The following CD8B2 variants were observed in gnomAD, a reference collection of about 807,000 sequenced individuals.
The protein encoded by CD8B2 is CD8B family member 2.
Under a neutral mutation model 23.7 loss-of-function variants are expected in CD8B2, and 11 were observed. That is an observed-to-expected ratio of 0.46 (90% CI 0.29 to 0.77). The LOEUF is 0.77. Ranked by LOEUF, CD8B2 falls within the 30% of genes least tolerant of loss-of-function variation. The probability of loss-of-function intolerance (pLI) is 0.09; values close to 1 mark genes in which losing one functional copy is unlikely to be tolerated. For synonymous variants in CD8B2, 90 were observed against 109.3 expected (o/e 0.82, Z 1.10); for missense variants, 197 against 270.5 (o/e 0.73, Z 1.91).
At chr2:106,500,560 A>ATAAATAAATAAATAAATAATTAAT (rs370350218) in intron 3 of CD8B2, among the ~76,000 whole-genome samples, 12 of 118,992 alleles carry the variant, frequency 1.0e-4, no homozygotes, top group South Asian at 2.9e-4. Context: ...AAATAAATAA[A>ATAAATAAATAAATAAATAATTAAT]TAATTAAAAA....
At chr2:106,498,257 C>G (rs551735413) in intron 3 of CD8B2, among the ~76,000 whole-genome samples, 1 of 151,956 alleles carries the variant, frequency 6.6e-6, no homozygotes, top group Admixed American at 6.6e-5. Context: ...AAGTGATTCT[C>G]CTGCCTCAGC....
chr2:106,490,486 CTG>C (rs1419518250), intron 1 of CD8B2, among the ~76,000 whole-genome samples: 3 of 152,124 alleles, frequency 2.0e-5, no homozygotes, highest in African/African-American at 7.2e-5. Flanking sequence ...ATGATAGTGC[CTG>C]TGAGTAGCCA....
chr2:106,527,732 G>A (rs538501017), intron 5 of CD8B2, among the ~76,000 whole-genome samples: 2 of 152,270 alleles, frequency 1.3e-5, no homozygotes, highest in South Asian at 2.1e-4. Context: ...GCAGTGAGCC[G>A]ATATTGCAGC....
chr2:106,491,124 G>C lies in CD8B2; in HGVS notation c.294G>C (p.Arg98=). 1 of 1,613,718 alleles carries C rather than the reference G, an allele frequency of 6.2e-7. No individual in the cohort carries two copies. The highest frequency in any genetic ancestry group is 8.5e-7 in the Non-Finnish European group (1 of 1,179,644). The change falls in exon 2 of 6, where the codon CGG becomes CGC. Residue 98 remains arginine, a synonymous_variant. Coordinates refer to ENST00000643224, the MANE Select transcript of CD8B2 (RefSeq NM_001349727.2). Reference sequence around the variant, plus strand: ...TAGCTGTGTTTCGGGATGCAAGCCGGTTCATTCTCAATCTCACAAGCGTGA... The same window carrying C: ...TAGCTGTGTTTCGGGATGCAAGCCGCTTCATTCTCAATCTCACAAGCGTGA... The part of the protein sequence containing the change: ...EKIAVFRDAS[R]FILNLTSVKP...
intron 5 of CD8B2, among the ~76,000 whole-genome samples, chr2:106,531,625 A>G (rs938042689): frequency 6.6e-6 from 1 of 152,090 alleles, no homozygotes; most frequent in African/African-American, 2.4e-5. Flanking sequence ...TGGGAAATGT[A>G]TGGGATTCAC....
chr2:106,501,655 C>T (rs917521074), intron 3 of CD8B2, among the ~76,000 whole-genome samples: 1 of 152,184 alleles, frequency 6.6e-6, no homozygotes, highest in African/African-American at 2.4e-5. Flanking sequence ...GCACTCCAGC[C>T]TGGGCGACAG....
intron 5 of CD8B2, among the ~76,000 whole-genome samples, chr2:106,531,607 T>A (rs950721541): frequency 3.2e-4 from 48 of 151,992 alleles, no homozygotes; most frequent in African/African-American, 1.1e-3. Context: ...CCTGGTTAGG[T>A]CATGGGGTGG....
chr2:106,518,405 T>C lies in CD8B2; in HGVS notation c.620+14080T>C, dbSNP rs1384083025. ...AGAAGGAGCAATAGCTCAGCAATAT[T>C]AATCCTCATTTAGGAGTCCAGTTTT... On this transcript the variant is annotated intron_variant, in intron 5 of 5. Coordinates refer to the CD8B2 transcript ENST00000416057. Among the ~76,000 whole-genome samples the C allele has an allele frequency of 3.9e-5, 6 of 152,130 alleles. No individual in the cohort carries two copies. In the East Asian group the frequency reaches 1.2e-3, roughly 29 times the overall value.
At chr2:106,487,551 T>G in intron 1 of CD8B2, 82 bp downstream of exon 1, 1 of 856,114 alleles carries the variant, frequency 1.2e-6, no homozygotes, top group Non-Finnish European at 1.6e-6. Context: ...GTCCTGGCCC[T>G]GGTCCTGGCA....
chr2:106,519,025 A>G (rs1454277547), intron 5 of CD8B2, among the ~76,000 whole-genome samples: 1 of 149,584 alleles, frequency 6.7e-6, no homozygotes, highest in Non-Finnish European at 1.5e-5. Context: ...CATTCCATCA[A>G]TCCCTCCATC....
chr2:106,538,791 C>T (rs1255388940), intron 5 of CD8B2, among the ~76,000 whole-genome samples: 2 of 152,158 alleles, frequency 1.3e-5, no homozygotes, highest in Admixed American at 6.5e-5. Flanking sequence ...ATATTATGCT[C>T]TCCACCCACC....
chr2:106,505,277 A>C (rs1335340189), intron 5 of CD8B2, among the ~76,000 whole-genome samples: 6 of 152,114 alleles, frequency 3.9e-5, no homozygotes, highest in Non-Finnish European at 8.8e-5. Context: ...TGTTTGGGGG[A>C]GCAAAAGTAC....
At chr2:106,532,140 A>G (rs1404521830) in intron 5 of CD8B2, among the ~76,000 whole-genome samples, 1 of 152,142 alleles carries the variant, frequency 6.6e-6, no homozygotes, top group Non-Finnish European at 1.5e-5. Flanking sequence ...ACTTCCACAA[A>G]TATTTCCCGG....
chr2:106,541,085 G>A (rs1680165092), intron 5 of CD8B2, among the ~76,000 whole-genome samples: 1 of 152,162 alleles, frequency 6.6e-6, no homozygotes, highest in Non-Finnish European at 1.5e-5. Context: ...GTGGTGGGCA[G>A]GCTTGGTGGG....
intron 5 of CD8B2, among the ~76,000 whole-genome samples, chr2:106,504,738 C>A (rs1679473012): frequency 6.6e-6 from 1 of 152,308 alleles, no homozygotes; most frequent in Admixed American, 6.5e-5. Flanking sequence ...TTTGCATGCA[C>A]AGAATACCGC....
intron 3 of CD8B2, among the ~76,000 whole-genome samples, chr2:106,496,646 A>G (rs1233384599): frequency 6.6e-6 from 1 of 152,060 alleles, no homozygotes; most frequent in Non-Finnish European, 1.5e-5. Context: ...AATAAAATGA[A>G]AGGAGCCAGT....
chr2:106,505,056 G>C (rs966926297), intron 5 of CD8B2, among the ~76,000 whole-genome samples: 2 of 152,174 alleles, frequency 1.3e-5, no homozygotes, highest in African/African-American at 4.8e-5. Context: ...ACCTTTAGTG[G>C]TGGCCATTTA....
chr2:106,544,273 A>C (rs1418838448), exon 6 of CD8B2: 2 of 386,050 alleles, frequency 5.2e-6, no homozygotes, highest in Non-Finnish European at 9.1e-6. Flanking sequence ...AAGCAGTTGC[A>C]GAAATAAACG....
chr2:106,519,248 C>A (rs1679780912), intron 5 of CD8B2, among the ~76,000 whole-genome samples: 1 of 152,218 alleles, frequency 6.6e-6, no homozygotes, highest in Non-Finnish European at 1.5e-5. Context: ...CAGCATGGTG[C>A]TCAGATTTAT....
Sources: gnomAD v4.1 joint callset for allele counts (sites outside exome capture counted in the v4.1 genomes callset) on GRCh38, gnomAD v4.1.1 for gene constraint, MANE v1.5 for transcripts, NCBI Gene and HGNC (gene_info 2026-07-23, HGNC 2026-07-21) for gene names.